NCOA6: variants seen among roughly 807,000 people sequenced by gnomAD.
NCOA6 encodes the protein nuclear receptor coactivator 6, also known as NRC RAP250.
A neutral mutation model predicts 171.4 loss-of-function variants in NCOA6; 49 were observed. That is an observed-to-expected ratio of 0.29 (90% CI 0.23 to 0.36). NCOA6 has a LOEUF of 0.36. Ranked by LOEUF, NCOA6 falls within the 10% of genes least tolerant of loss-of-function variation. The probability of loss-of-function intolerance (pLI) is 1.00; values close to 1 mark genes in which losing one functional copy is unlikely to be tolerated. For missense variants in NCOA6, 2,248 were observed against 2,554.5 expected (o/e 0.88, Z 2.59); for synonymous variants, 910 against 927.5 (o/e 0.98, Z 0.34).
chr20:34,815,744 G>A (rs775246719), intron 1 of NCOA6, among the ~76,000 whole-genome samples: 8 of 152,086 alleles, frequency 5.3e-5, no homozygotes, highest in Non-Finnish European at 8.8e-5. Flanking sequence ...AACCCTCAAA[G>A]TTTGTTGTTT....
chr20:34,817,070 C>T lies in NCOA6; in HGVS notation c.-164+8402G>A, dbSNP rs977098626. Among the ~76,000 whole-genome samples, 17 of 149,562 alleles carry T rather than the reference C, an allele frequency of 1.1e-4. 1 individual carries two copies. Among genetic ancestry groups the T allele is most frequent in the Admixed American group, 7.4e-4 (11 of 14,962 alleles). On this transcript the variant is annotated intron_variant, in intron 1 of 14. Coordinates refer to ENST00000359003, the MANE Select transcript of NCOA6 (RefSeq NM_014071.5). ...CCCAGGAGGCGGAGGTTGCAATGAGCCAAGATCTCACCACTGCACTCCAGC... is the reference window on the plus strand; with the variant it reads ...CCCAGGAGGCGGAGGTTGCAATGAGTCAAGATCTCACCACTGCACTCCAGC...
intron 4 of NCOA6, among the ~76,000 whole-genome samples, chr20:34,770,339 T>C (rs559742866): frequency 1.3e-5 from 2 of 151,970 alleles, no homozygotes; most frequent in East Asian, 1.9e-4. Context: ...CAGCTTTCTA[T>C]GTCTATTTTA....
At chr20:34,724,691 A>G (rs1012181045) in intron 14 of NCOA6, among the ~76,000 whole-genome samples, 1 of 152,166 alleles carries the variant, frequency 6.6e-6, no homozygotes, top group African/African-American at 2.4e-5. Context: ...AAGGTATCTC[A>G]GCTATATGCT....
At chr20:34,823,435 C>G (rs1236116577) in intron 1 of NCOA6, among the ~76,000 whole-genome samples, 2 of 152,154 alleles carry the variant, frequency 1.3e-5, no homozygotes, top group Non-Finnish European at 2.9e-5. Context: ...ATGGTATTGA[C>G]AGTTTTATTT....
At chr20:34,727,466 C>T (rs1990099276) in intron 13 of NCOA6, 59 bp from the exon 14 acceptor site, 20 of 1,580,904 alleles carry the variant, frequency 1.3e-5, no homozygotes, top group Admixed American at 3.4e-5. Context: ...ACACAAAAAA[C>T]GGGCTCTTCA....
intron 2 of NCOA6, among the ~76,000 whole-genome samples, chr20:34,790,640 CCA>C (rs2077846760): frequency 1.3e-5 from 2 of 151,988 alleles, no homozygotes; most frequent in South Asian, 4.2e-4. Flanking sequence ...CAGGCGTGAG[CCA>C]CCACGCCTGG....
chr20:34,818,798 G>C (rs2078919543), intron 1 of NCOA6, among the ~76,000 whole-genome samples: 1 of 152,144 alleles, frequency 6.6e-6, no homozygotes, highest in Non-Finnish European at 1.5e-5. Flanking sequence ...CCAGTTTCCA[G>C]AATACATGGT....
At chr20:34,738,156 G>C (rs532816499) in intron 11 of NCOA6, among the ~76,000 whole-genome samples, 16 of 152,214 alleles carry the variant, frequency 1.1e-4, no homozygotes, top group African/African-American at 3.9e-4. Flanking sequence ...ACCAGCCTCG[G>C]CCTCTCAACA....
At chr20:34,777,310 G>C (rs749403280) in intron 3 of NCOA6, among the ~76,000 whole-genome samples, 1 of 151,808 alleles carries the variant, frequency 6.6e-6, no homozygotes, top group Non-Finnish European at 1.5e-5. Flanking sequence ...GTGAAGATAC[G>C]GAGAAATAGA....
intron 2 of NCOA6, 138 bp downstream of exon 2, chr20:34,792,312 G>A: frequency 2.7e-6 from 1 of 374,116 alleles, no homozygotes; most frequent in Non-Finnish European, 4.7e-6. Context: ...AATAGCATCT[G>A]TATTTTATTA....
chr20:34,814,216 G>A (rs566934707), intron 1 of NCOA6, among the ~76,000 whole-genome samples: 143 of 152,186 alleles, frequency 9.4e-4, no homozygotes, highest in African/African-American at 3.3e-3. Flanking sequence ...GCGCATGCCT[G>A]TAATCCTAGC....
intron 3 of NCOA6, 125 bp from the exon 4 acceptor site, chr20:34,776,573 C>T: frequency 1.8e-6 from 2 of 1,122,756 alleles, no homozygotes; most frequent in Non-Finnish European, 2.6e-6. Flanking sequence ...GCTAACAGAG[C>T]ATATGCTTTG....
At chr20:34,758,748 T>C (rs2076727079) in intron 6 of NCOA6, 57 bp downstream of exon 6, 1 of 1,559,136 alleles carries the variant, frequency 6.4e-7, no homozygotes, top group Non-Finnish European at 8.6e-7. Flanking sequence ...CTGAATTTTA[T>C]AATGATCTGT....
Position 34,758,824 on chromosome 20 carries a change from A to T in NCOA6, c.624T>A (p.Pro208=), listed in dbSNP as rs753967625. The T allele has an allele frequency of 4.3e-6, 7 of 1,612,784 alleles. No homozygotes were observed. Among genetic ancestry groups the T allele is most frequent in the Non-Finnish European group, 5.9e-6 (7 of 1,179,682 alleles). Residue 208 remains proline, a synonymous_variant, in exon 6 of 15, where the codon CCT becomes CCA. Coordinates refer to ENST00000359003, the MANE Select transcript of NCOA6 (RefSeq NM_014071.5). Reference sequence around the variant, plus strand: ...CATTACCTGACTGAGAAGCAGGGCGAGGAGTCCTGGGCTGCAGCTCTGGAT... The same window carrying T: ...CATTACCTGACTGAGAAGCAGGGCGTGGAGTCCTGGGCTGCAGCTCTGGAT... ...GPNPELQPRT[P]RPASQSDAMD...
At chr20:34,775,543 G>A (rs1387089462) in intron 4 of NCOA6, among the ~76,000 whole-genome samples, 2 of 151,492 alleles carry the variant, frequency 1.3e-5, no homozygotes, top group Admixed American at 1.3e-4. Context: ...AAATTAGCTG[G>A]GCATGGTAGT....
At chr20:34,778,720 C>A (rs1291662282) in intron 3 of NCOA6, among the ~76,000 whole-genome samples, 1 of 152,024 alleles carries the variant, frequency 6.6e-6, no homozygotes, top group Non-Finnish European at 1.5e-5. Context: ...GCCACCACAC[C>A]CAGCCAGAGA....
At chr20:34,802,554 T>C (rs1024758716) in intron 1 of NCOA6, among the ~76,000 whole-genome samples, 6 of 151,892 alleles carry the variant, frequency 4.0e-5, no homozygotes, top group Non-Finnish European at 7.4e-5. Context: ...TGAGCCGAGA[T>C]TGCACCACTG....
chr20:34,819,059 T>C (rs983391908), intron 1 of NCOA6, among the ~76,000 whole-genome samples: 2 of 152,220 alleles, frequency 1.3e-5, no homozygotes, highest in Admixed American at 6.5e-5. Flanking sequence ...ATTCTATTCA[T>C]TATGATCAAG....
chr20:34,768,898 G>A (rs1480573635), intron 4 of NCOA6, among the ~76,000 whole-genome samples: 1 of 152,126 alleles, frequency 6.6e-6, no homozygotes, highest in African/African-American at 2.4e-5. Context: ...AATTGTGTGT[G>A]TGTGTGGGGT....
Sources: gnomAD v4.1 joint callset for allele counts (sites outside exome capture counted in the v4.1 genomes callset) on GRCh38, gnomAD v4.1.1 for gene constraint, MANE v1.5 for transcripts, NCBI Gene and HGNC (gene_info 2026-07-23, HGNC 2026-07-21) for gene names.